Variants in CDK13 observed in about 807,000 individuals in gnomAD.
CDK13 encodes cyclin-dependent kinase 13.
Under a neutral mutation model 137.6 loss-of-function variants are expected in CDK13, and 40 were observed. That is an observed-to-expected ratio of 0.29 (90% CI 0.23 to 0.38). The LOEUF (loss-of-function observed/expected upper bound fraction) is 0.38. CDK13 is among the 10% of genes least tolerant of loss of function. The pLI, the probability that CDK13 is intolerant of heterozygous loss-of-function variation, is 1.00. For missense variants in CDK13, 1,704 were observed against 1,951.8 expected (o/e 0.87, Z 2.39); for synonymous variants, 869 against 760.1 (o/e 1.14, Z -2.36).
intron 5 of CDK13, among the ~76,000 whole-genome samples, chr7:40,042,936 C>T (rs1310150026): frequency 6.6e-6 from 1 of 152,070 alleles, no homozygotes; most frequent in Non-Finnish European, 1.5e-5. Context: ...CACTACCACA[C>T]CTGGCTAATT....
At chr7:40,028,460 T>A (rs1381434367) in intron 5 of CDK13, among the ~76,000 whole-genome samples, 2 of 152,048 alleles carry the variant, frequency 1.3e-5, no homozygotes, top group African/African-American at 4.8e-5. Context: ...CCTCATGATC[T>A]GCCCGCCTTG....
At chr7:39,981,198 T>C (rs990683693) in intron 1 of CDK13, among the ~76,000 whole-genome samples, 2 of 151,998 alleles carry the variant, frequency 1.3e-5, no homozygotes, top group African/African-American at 4.8e-5. Context: ...GAAACCCCTA[T>C]CCCTGCAAAA....
At chr7:39,980,915 C>T (rs1041496955) in intron 1 of CDK13, among the ~76,000 whole-genome samples, 1 of 152,108 alleles carries the variant, frequency 6.6e-6, no homozygotes, top group Non-Finnish European at 1.5e-5. Context: ...GGTTTTTATT[C>T]TGGTACTACT....
chr7:40,093,328 C>A, intron 13 of CDK13, 91 bp downstream of exon 13: 1 of 1,076,108 alleles, frequency 9.3e-7, no homozygotes, highest in Non-Finnish European at 1.3e-6. Flanking sequence ...AGTTCAGTGA[C>A]ATTGCCAAAA....
At chr7:40,017,786 A>G (rs1267176240) in intron 5 of CDK13, among the ~76,000 whole-genome samples, 2 of 151,802 alleles carry the variant, frequency 1.3e-5, no homozygotes, top group Non-Finnish European at 2.9e-5. Context: ...AGGAAGGCTG[A>G]ATCCTTGGCA....
Position 40,081,803 on chromosome 7 carries a change from G to A in CDK13, c.3029+2952G>A, listed in dbSNP as rs185505178. Among the ~76,000 whole-genome samples the A allele has an allele frequency of 4.8e-3, 736 of 152,178 alleles. 6 individuals are homozygous for A. The highest frequency in any genetic ancestry group is 0.017 in the African/African-American group (687 of 41,518). ...AATTTTGTATTTTTAGTAGAGACAGGGTTTCTCCATGTTGGTCAGGCTGGT... is the reference window on the plus strand; with the variant it reads ...AATTTTGTATTTTTAGTAGAGACAGAGTTTCTCCATGTTGGTCAGGCTGGT... On this transcript the variant is annotated intron_variant, in intron 11 of 13. Coordinates refer to ENST00000181839, the MANE Select transcript of CDK13 (RefSeq NM_003718.5).
chr7:40,063,340 T>C (rs1786197912), intron 9 of CDK13, among the ~76,000 whole-genome samples: 1 of 152,150 alleles, frequency 6.6e-6, no homozygotes, highest in African/African-American at 2.4e-5. Context: ...CGTGCATGTG[T>C]GCGTTTTTTT....
chr7:40,010,419 C>T (rs1784871066), intron 5 of CDK13, among the ~76,000 whole-genome samples: 1 of 152,140 alleles, frequency 6.6e-6, no homozygotes, highest in African/African-American at 2.4e-5. Flanking sequence ...CGTGGTGGCT[C>T]ACACCTGTAA....
At chr7:39,978,502 A>G (rs1260645051) in intron 1 of CDK13, among the ~76,000 whole-genome samples, 4 of 152,224 alleles carry the variant, frequency 2.6e-5, no homozygotes, top group Admixed American at 2.6e-4. Flanking sequence ...AGATAATATC[A>G]GTATGTCATC....
chr7:40,023,899 T>A (rs537068352), intron 5 of CDK13, among the ~76,000 whole-genome samples: 1 of 152,316 alleles, frequency 6.6e-6, no homozygotes, highest in African/African-American at 2.4e-5. Context: ...TACCAAAGTA[T>A]CCTTTTATTT....
intron 9 of CDK13, chr7:40,073,577 T>G (rs1161682700): frequency 6.8e-6 from 1 of 146,570 alleles, no homozygotes; most frequent in East Asian, 1.9e-4. Flanking sequence ...TTTCTTTCTT[T>G]TTCTTTTTCT....
chr7:39,980,106 C>A (rs1784193141), intron 1 of CDK13, among the ~76,000 whole-genome samples: 1 of 152,150 alleles, frequency 6.6e-6, no homozygotes, highest in Non-Finnish European at 1.5e-5. Context: ...TTTTCTGTTA[C>A]AACAACGATC....
chr7:39,987,776 GGCAGCAAGAGCCGCAGAA>G lies in CDK13; in HGVS notation c.1395_1412del (p.Arg466_Ala471del). The G allele has an allele frequency of 6.2e-7, 1 of 1,614,066 alleles. No individual in the cohort carries two copies. Among genetic ancestry groups the G allele is most frequent in the Non-Finnish European group, 8.5e-7 (1 of 1,179,978 alleles). On this transcript the variant is annotated inframe_deletion, in exon 2 of 14. Transcript: ENST00000181839. ...AGAATAAAAAAGCACGAGCAGCAGA[GGCAGCAAGAGCCGCAGAA>G]GCAGCGAAAGCTGCAGAAGCAACTA...
At chr7:40,081,260 TA>T (rs1268221731) in intron 11 of CDK13, among the ~76,000 whole-genome samples, 1 of 152,206 alleles carries the variant, frequency 6.6e-6, no homozygotes, top group East Asian at 1.9e-4. Context: ...CAAGAGAACA[TA>T]ATGTTACTTT....
intron 5 of CDK13, among the ~76,000 whole-genome samples, chr7:40,043,139 T>G (rs1562745314): frequency 6.6e-6 from 1 of 152,234 alleles, no homozygotes; most frequent in Non-Finnish European, 1.5e-5. Context: ...ACATTTTCAT[T>G]TAATGAATTG....
chr7:39,979,216 C>CTTTTTTTTTT (rs71560152), intron 1 of CDK13, among the ~76,000 whole-genome samples: 24 of 130,870 alleles, frequency 1.8e-4, no homozygotes, highest in African/African-American at 3.1e-4. Flanking sequence ...TCTTTTTTTT[C>CTTTTTTTTTT]TTTTTTTTTT....
chr7:39,959,660 T>G (rs1444801990), intron 1 of CDK13, among the ~76,000 whole-genome samples: 2 of 152,138 alleles, frequency 1.3e-5, no homozygotes. Flanking sequence ...AGACAGCGTT[T>G]CACCGTGTTG....
chr7:39,951,942 G>GAT, intron 1 of CDK13, 90 bp downstream of exon 1: 1 of 1,257,150 alleles, frequency 8.0e-7, no homozygotes, highest in Non-Finnish European at 1.0e-6. Context: ...TCCTCAGAAC[G>GAT]ACTCAGGTCC....
rs745721867 is a variant in CDK13, at chr7:40,088,319, A to C, written c.3223A>C (p.Asn1075His). 6.8e-6 allele frequency: 11 copies of C among 1,611,166 alleles called. No homozygotes were observed. The highest frequency in any genetic ancestry group is 1.7e-4 in the Middle Eastern group (1 of 6,050). ...ACAGCTGAAATCTCAGGGCAGCTCA[A>C]ATGTGGCACCTGGTCAGTAATGCTT... ...SSQLKSQGSS[N>H]VAPVKTGPGQ... Residue 1075 changes from asparagine to histidine, a missense_variant, in exon 12 of 14, where the codon AAT (asparagine) becomes CAT (histidine). This residue lies in a region of CDK13 where 475 missense variants were observed against 579.3 expected (regional missense o/e 0.82). Transcript: ENST00000181839.
Sources: gnomAD v4.1 joint callset for allele counts (sites outside exome capture counted in the v4.1 genomes callset) on GRCh38, gnomAD v4.1.1 for gene constraint, gnomAD v4.1.1 regional missense constraint, MANE v1.5 for transcripts, NCBI Gene and HGNC (gene_info 2026-07-23, HGNC 2026-07-21) for gene names.